PDZD2: variants seen among roughly 807,000 people sequenced by gnomAD.
PDZD2 encodes the protein PDZ domain-containing protein 2.
PDZD2 carries 90 observed loss-of-function variants against 220.7 expected under a neutral mutation model. The observed-to-expected ratio is 0.41, with a 90% CI of 0.34 to 0.49. The LOEUF (loss-of-function observed/expected upper bound fraction) is 0.49. PDZD2 is among the 20% of genes least tolerant of loss of function. The pLI, the probability that PDZD2 is intolerant of heterozygous loss-of-function variation, is 0.28. For synonymous variants in PDZD2, 1,375 were observed against 1,450.5 expected (o/e 0.95, Z 1.18); for missense variants, 3,174 against 3,608.5 (o/e 0.88, Z 3.08).
In PDZD2 at chr5:31,790,934, G is replaced by A. The variant is rs189406358; in HGVS notation, c.-360-7955G>A. Among the ~76,000 whole-genome samples the A allele has an allele frequency of 1.1e-4, 16 of 151,766 alleles. No individual in the cohort carries two copies. In the East Asian group the frequency reaches 1.2e-3, roughly 11 times the overall value. On this transcript the variant is annotated intron_variant, in intron 1 of 24. Coordinates refer to ENST00000438447, the MANE Select transcript of PDZD2 (RefSeq NM_178140.4). The stretch of plus-strand genomic sequence containing the variant: ...AAGATGGTCTTGATCTCCTGACCTC[G>A]TGATCCGCCCGCGTCGGCCTCCCAA...
intron 2 of PDZD2, among the ~76,000 whole-genome samples, chr5:31,822,271 C>CTTT (rs34010630): frequency 3.7e-4 from 37 of 100,582 alleles, no homozygotes; most frequent in African/African-American, 6.6e-4. Flanking sequence ...TTCACGCAAT[C>CTTT]TTTTTTTTTT....
intron 17 of PDZD2, 117 bp from the exon 18 acceptor site, chr5:32,073,715 T>G (rs1740986589): frequency 4.2e-6 from 3 of 721,186 alleles, no homozygotes; most frequent in Non-Finnish European, 7.3e-6. Context: ...GCTGAGGCTG[T>G]GTGTCTGGTG....
intron 1 of PDZD2, among the ~76,000 whole-genome samples, chr5:31,664,035 G>C (rs1221315673): frequency 6.6e-6 from 1 of 152,156 alleles, no homozygotes; most frequent in African/African-American, 2.4e-5. Flanking sequence ...GCTTTTACTA[G>C]GCGGTGATGA....
chr5:31,705,284 C>T (rs952451050), intron 1 of PDZD2, among the ~76,000 whole-genome samples: 1 of 152,094 alleles, frequency 6.6e-6, no homozygotes, highest in Non-Finnish European at 1.5e-5. Flanking sequence ...AAGCCTGATA[C>T]ACACACGGGA....
chr5:31,683,858 A>G (rs994220310), intron 1 of PDZD2, among the ~76,000 whole-genome samples: 4 of 152,226 alleles, frequency 2.6e-5, no homozygotes, highest in South Asian at 2.1e-4. Flanking sequence ...GAACAAAGTC[A>G]ATATGTATTT....
intron 5 of PDZD2, among the ~76,000 whole-genome samples, chr5:32,002,894 A>ACACACACCCC (rs1554022546): frequency 1.1e-5 from 1 of 93,664 alleles, no homozygotes; most frequent in Non-Finnish European, 2.0e-5. Flanking sequence ...CACACACACC[A>ACACACACCCC]ACACACACCC....
chr5:31,957,158 T>C (rs1202040343), intron 2 of PDZD2, among the ~76,000 whole-genome samples: 5 of 152,210 alleles, frequency 3.3e-5, no homozygotes, highest in African/African-American at 1.2e-4. Context: ...CACCTCAGCC[T>C]CCTGAGTAGT....
chr5:31,902,723 CG>C (rs1742214315), intron 2 of PDZD2, among the ~76,000 whole-genome samples: 1 of 150,210 alleles, frequency 6.7e-6, no homozygotes, highest in South Asian at 2.2e-4. Flanking sequence ...AAAAATTAGC[CG>C]GGTGCAGTGG....
chr5:31,797,672 T>C (rs1754129895), intron 1 of PDZD2, among the ~76,000 whole-genome samples: 1 of 152,192 alleles, frequency 6.6e-6, no homozygotes, highest in Admixed American at 6.5e-5. Flanking sequence ...ATATAGATGA[T>C]ATTTGCTAAG....
intron 3 of PDZD2, 56 bp downstream of exon 3, chr5:31,983,712 G>GT: frequency 6.5e-7 from 1 of 1,531,332 alleles, no homozygotes. Flanking sequence ...GTGTTTGTTT[G>GT]TTTTTGCAGC....
chr5:31,875,181 A>G (rs918142400), intron 2 of PDZD2, among the ~76,000 whole-genome samples: 16 of 152,036 alleles, frequency 1.1e-4, no homozygotes, highest in Non-Finnish European at 1.9e-4. Flanking sequence ...CATCCTCTAT[A>G]TCTTTCTTCC....
chr5:31,889,818 G>A (rs1181447017), intron 2 of PDZD2, among the ~76,000 whole-genome samples: 2 of 152,052 alleles, frequency 1.3e-5, no homozygotes, highest in Non-Finnish European at 2.9e-5. Flanking sequence ...TCAGGAGTTC[G>A]AGACCAGCTT....
intron 2 of PDZD2, among the ~76,000 whole-genome samples, chr5:31,869,442 A>G (rs1738552018): frequency 6.6e-6 from 1 of 152,112 alleles, no homozygotes; most frequent in Non-Finnish European, 1.5e-5. Flanking sequence ...GGGCGCCTGT[A>G]GTCCCAGCTA....
intron 7 of PDZD2, among the ~76,000 whole-genome samples, chr5:32,043,118 G>T (rs781296304): frequency 1.1e-4 from 17 of 152,286 alleles, no homozygotes; most frequent in South Asian, 4.1e-4. Context: ...TCTGTTCTCC[G>T]ATCTGGGGCT....
intron 14 of PDZD2, among the ~76,000 whole-genome samples, chr5:32,063,027 A>ATAATATTATTATTAT (rs1554035816): frequency 7.0e-6 from 1 of 142,328 alleles, no homozygotes; most frequent in Non-Finnish European, 1.5e-5. Context: ...TGAGAATGAA[A>ATAATATTATTATTAT]TATTATTATT....
intron 2 of PDZD2, among the ~76,000 whole-genome samples, chr5:31,801,775 G>T (rs1345769140): frequency 2.6e-5 from 4 of 152,092 alleles, no homozygotes; most frequent in South Asian, 4.2e-4. Context: ...CATATAAAGG[G>T]CTCAGCACTA....
intron 1 of PDZD2, among the ~76,000 whole-genome samples, chr5:31,778,338 G>A (rs1472764028): frequency 6.6e-6 from 1 of 152,170 alleles, no homozygotes; most frequent in African/African-American, 2.4e-5. Context: ...CTTCCACACT[G>A]TGGAAGCTTT....
intron 2 of PDZD2, among the ~76,000 whole-genome samples, chr5:31,811,910 A>T (rs758393937): frequency 1.3e-5 from 2 of 152,004 alleles, no homozygotes; most frequent in Non-Finnish European, 2.9e-5. Flanking sequence ...AAATTGCTTG[A>T]ACCCAAGAGG....
At chr5:31,838,418 A>G (rs1356640037) in intron 2 of PDZD2, among the ~76,000 whole-genome samples, 1 of 152,230 alleles carries the variant, frequency 6.6e-6, no homozygotes, top group Non-Finnish European at 1.5e-5. Flanking sequence ...AGAGATCCAT[A>G]TAATCACGTG....
Sources: allele counts gnomAD v4.1 joint callset (sites outside exome capture counted in the v4.1 genomes callset), GRCh38; gene constraint gnomAD v4.1.1; transcripts MANE v1.5; gene names NCBI Gene and HGNC (gene_info 2026-07-23, HGNC 2026-07-21).